The following RIC8B variants were observed in gnomAD, a reference collection of about 807,000 sequenced individuals.
RIC8B encodes the protein RIC8 guanine nucleotide exchange factor B.
A neutral mutation model predicts 57.5 loss-of-function variants in RIC8B; 16 were observed. The ratio of observed to expected loss-of-function variants is 0.28; its 90% CI spans 0.19 to 0.42. The LOEUF (loss-of-function observed/expected upper bound fraction) is 0.42. Among genes scored for constraint, RIC8B ranks in the 10% least tolerant of loss-of-function variants. The pLI is 1.00. For synonymous variants in RIC8B, 216 were observed against 250.8 expected (o/e 0.86, Z 1.31); for missense variants, 481 against 677.0 (o/e 0.71, Z 3.21).
At chr12:106,837,030 T>C (rs993996906) in intron 4 of RIC8B, among the ~76,000 whole-genome samples, 5 of 152,208 alleles carry the variant, frequency 3.3e-5, no homozygotes, top group Non-Finnish European at 5.9e-5. Flanking sequence ...GTCATTTAAA[T>C]AACTCATCTC....
intron 7 of RIC8B, among the ~76,000 whole-genome samples, 193 bp from the exon 8 acceptor site, chr12:106,860,075 G>A (rs1862775023): frequency 1.3e-5 from 2 of 152,092 alleles, no homozygotes; most frequent in Admixed American, 6.6e-5. Context: ...CCTCAAAAAA[G>A]GCTCTTAGTC....
intron 9 of RIC8B, among the ~76,000 whole-genome samples, chr12:106,884,520 G>A (rs1316146276): frequency 2.0e-5 from 3 of 152,090 alleles, no homozygotes; most frequent in Admixed American, 6.6e-5. Context: ...AAGGGGGTTG[G>A]ACTAAATGAT....
chr12:106,872,459 G>A (rs1025341263), intron 9 of RIC8B, among the ~76,000 whole-genome samples: 9 of 151,956 alleles, frequency 5.9e-5, no homozygotes, highest in East Asian at 1.9e-4. Context: ...ACCTGAGGTC[G>A]GGAGTTTGAG....
At chr12:106,839,886 C>T (rs1219223591) in intron 4 of RIC8B, among the ~76,000 whole-genome samples, 4 of 151,954 alleles carry the variant, frequency 2.6e-5, no homozygotes, top group African/African-American at 9.7e-5. Flanking sequence ...GGCATGGTGG[C>T]GTGTGCGTGT....
intron 1 of RIC8B, among the ~76,000 whole-genome samples, chr12:106,780,882 G>C (rs752669871): frequency 1.6e-4 from 25 of 152,160 alleles, no homozygotes; most frequent in Non-Finnish European, 3.5e-4. Context: ...CTGTGTGCAA[G>C]GTGCCATGCT....
At chr12:106,783,197 T>C (rs2136161591) in intron 1 of RIC8B, among the ~76,000 whole-genome samples, 1 of 152,298 alleles carries the variant, frequency 6.6e-6, no homozygotes, top group African/African-American at 2.4e-5. Flanking sequence ...CATCATTATA[T>C]CCCTAATATT....
intron 9 of RIC8B, among the ~76,000 whole-genome samples, chr12:106,883,493 C>T (rs1381303047): frequency 2.0e-5 from 3 of 152,124 alleles, no homozygotes; most frequent in Non-Finnish European, 4.4e-5. Context: ...AGAATCTCCC[C>T]ACCAAATCTC....
chr12:106,839,153 A>G lies in RIC8B; in HGVS notation c.837-3436A>G, dbSNP rs777188076. ...AAAAATAGAATTATTTGATTCAGCA[A>G]TCACGCTTCTGGGAGTATATCCAAA... On this transcript the variant is annotated intron_variant, in intron 4 of 9. Coordinates refer to ENST00000392837, the MANE Select transcript of RIC8B (RefSeq NM_001330145.2). Among the ~76,000 whole-genome samples, 12 of 152,352 alleles carry G rather than the reference A, an allele frequency of 7.9e-5. No individual in the cohort carries two copies. In the South Asian group the frequency reaches 1.7e-3, roughly 21 times the overall value.
intron 2 of RIC8B, among the ~76,000 whole-genome samples, chr12:106,805,074 TG>T (rs1388589364): frequency 6.6e-6 from 1 of 152,204 alleles, no homozygotes; most frequent in Non-Finnish European, 1.5e-5. Context: ...AGGTGAGTTA[TG>T]GGGGATCGGG....
chr12:106,803,301 C>T (rs150980036), intron 2 of RIC8B, among the ~76,000 whole-genome samples: 1 of 149,914 alleles, frequency 6.7e-6, no homozygotes, highest in African/African-American at 2.5e-5. Flanking sequence ...TTATAAGTTT[C>T]CCAAGCTTAT....
chr12:106,774,714 A>G lies in RIC8B; in HGVS notation c.-32A>G, dbSNP rs1359641867. ...CCTGGAGGCAGCGGCTTGGGCGCGCAGAGCGGCCGCGGCTCCCCCGCACCT... is the reference window on the plus strand; with the variant it reads ...CCTGGAGGCAGCGGCTTGGGCGCGCGGAGCGGCCGCGGCTCCCCCGCACCT... On this transcript the variant is annotated 5_prime_UTR_variant, in exon 1 of 10. Transcript: ENST00000392837. The G allele has an allele frequency of 9.8e-6, 15 of 1,528,594 alleles. No individual in the cohort carries two copies. In the East Asian group the frequency reaches 3.0e-4, roughly 30 times the overall value. The allele number at this position is 1,528,594 out of a possible 1,614,324, so 94.7% of individuals were successfully genotyped here. A position where few individuals can be genotyped will look rare whatever the true frequency, so the allele number is the denominator to read the frequency against.
chr12:106,830,415 C>G (rs1851929602), intron 4 of RIC8B, among the ~76,000 whole-genome samples: 1 of 152,196 alleles, frequency 6.6e-6, no homozygotes, highest in Non-Finnish European at 1.5e-5. Context: ...AGCACAGTCT[C>G]TGTTCTCCAT....
At chr12:106,801,211 A>G (rs545603108) in intron 2 of RIC8B, among the ~76,000 whole-genome samples, 1 of 152,300 alleles carries the variant, frequency 6.6e-6, no homozygotes, top group African/African-American at 2.4e-5. Flanking sequence ...TTTGCCCTCA[A>G]AATGGAGGCT....
intron 2 of RIC8B, among the ~76,000 whole-genome samples, chr12:106,810,668 C>A (rs2045296856): frequency 6.8e-6 from 1 of 146,284 alleles, no homozygotes. Context: ...AGCAAAGAAG[C>A]TCAATATGAG....
At chr12:106,861,288 C>T (rs1438505858) in intron 8 of RIC8B, among the ~76,000 whole-genome samples, 2 of 151,914 alleles carry the variant, frequency 1.3e-5, no homozygotes, top group African/African-American at 2.4e-5. Flanking sequence ...GTGGATCATG[C>T]AATAGGTGTT....
intron 4 of RIC8B, among the ~76,000 whole-genome samples, chr12:106,829,337 T>C (rs1436431966): frequency 2.6e-5 from 4 of 152,186 alleles, no homozygotes; most frequent in Non-Finnish European, 5.9e-5. Flanking sequence ...TGTGGTTTTA[T>C]TTTATTTTGG....
intron 9 of RIC8B, among the ~76,000 whole-genome samples, chr12:106,881,913 T>C (rs989833422): frequency 5.9e-5 from 9 of 152,126 alleles, no homozygotes; most frequent in Non-Finnish European, 2.9e-5. Context: ...GGACAAGAAA[T>C]CTCCTTTAAA....
intron 4 of RIC8B, among the ~76,000 whole-genome samples, chr12:106,829,526 T>A (rs1473642931): frequency 6.6e-6 from 1 of 152,260 alleles, no homozygotes; most frequent in African/African-American, 2.4e-5. Flanking sequence ...TCTCACATAT[T>A]GAAGGGGACA....
At position 106,888,814 on chromosome 12, in the gene RIC8B, G is replaced by A. The variant is rs964126740; in HGVS notation, c.*2799G>A. The A allele has an allele frequency of 3.9e-5, 6 of 152,258 alleles. No individual in the cohort carries two copies. Among genetic ancestry groups the A allele is most frequent in the South Asian group, 2.1e-4 (1 of 4,822 alleles). The allele number at this position is 152,258 out of a possible 1,614,324, so 9.4% of individuals were successfully genotyped here. ...TCTCCTGACCTTGGAAGCAGGGTAC[G>A]GAGGCGTGTGTCCTAAAATAAAGCA... On this transcript the variant is annotated 3_prime_UTR_variant, in exon 10 of 10. Coordinates refer to ENST00000392837, the MANE Select transcript of RIC8B (RefSeq NM_001330145.2).
Sources: allele counts gnomAD v4.1 joint callset (sites outside exome capture counted in the v4.1 genomes callset), GRCh38; gene constraint gnomAD v4.1.1; transcripts MANE v1.5; gene names NCBI Gene and HGNC (gene_info 2026-07-23, HGNC 2026-07-21).